ARHGAP10: variants seen among roughly 807,000 people sequenced by gnomAD.
The protein encoded by ARHGAP10 is rho GTPase-activating protein 10.
In ARHGAP10, 87 loss-of-function variants were observed where a neutral mutation model predicts 108.6. That is an observed-to-expected ratio of 0.80 (90% CI 0.67 to 0.96). The LOEUF (loss-of-function observed/expected upper bound fraction) is 0.96. Ranked by LOEUF, ARHGAP10 falls within the 40% of genes least tolerant of loss-of-function variation. ARHGAP10 has a pLI of 0.00. For missense variants in ARHGAP10, 939 were observed against 954.5 expected (o/e 0.98, Z 0.21); for synonymous variants, 347 against 341.1 (o/e 1.02, Z -0.19).
chr4:147,829,284 C>T (rs1732852193), intron 3 of ARHGAP10, among the ~76,000 whole-genome samples: 1 of 151,940 alleles, frequency 6.6e-6, no homozygotes, highest in South Asian at 2.1e-4. Flanking sequence ...GATCTCCTGA[C>T]CTTGTGATCT....
chr4:147,987,331 T>A (rs999367851), intron 18 of ARHGAP10, among the ~76,000 whole-genome samples: 6 of 152,218 alleles, frequency 3.9e-5, no homozygotes, highest in South Asian at 2.1e-4. Context: ...TTTTAAAAAA[T>A]TTTTTCTGGA....
chr4:147,807,559 A>C (rs775071408), intron 1 of ARHGAP10, among the ~76,000 whole-genome samples: 2 of 152,200 alleles, frequency 1.3e-5, no homozygotes, highest in Non-Finnish European at 2.9e-5. Context: ...TGCCTTCTTC[A>C]AAATAATGGA....
At chr4:147,910,077 G>A (rs1236588570) in intron 12 of ARHGAP10, among the ~76,000 whole-genome samples, 1 of 151,888 alleles carries the variant, frequency 6.6e-6, no homozygotes, top group African/African-American at 2.4e-5. Flanking sequence ...GCATGGTCTT[G>A]GATCCCTGCA....
chr4:147,910,265 C>T (rs1227263380), intron 12 of ARHGAP10, among the ~76,000 whole-genome samples: 2 of 151,934 alleles, frequency 1.3e-5, no homozygotes, highest in Non-Finnish European at 2.9e-5. Context: ...TCAAGTGATC[C>T]TCCTACCTCT....
chr4:147,825,530 G>T (rs1048833046), intron 3 of ARHGAP10, among the ~76,000 whole-genome samples: 8 of 152,162 alleles, frequency 5.3e-5, no homozygotes, highest in Admixed American at 4.6e-4. Flanking sequence ...GGTAATTTGT[G>T]TGTATATATT....
chr4:147,813,710 A>T (rs949076602), intron 1 of ARHGAP10, among the ~76,000 whole-genome samples: 1 of 152,228 alleles, frequency 6.6e-6, no homozygotes, highest in Admixed American at 6.5e-5. Flanking sequence ...TCTCAGACAT[A>T]GCTGTACTGT....
intron 19 of ARHGAP10, among the ~76,000 whole-genome samples, chr4:148,046,167 G>A (rs112075667): frequency 3.3e-5 from 5 of 152,254 alleles, no homozygotes; most frequent in Admixed American, 1.3e-4. Context: ...TCTCTTGTCC[G>A]TCTTCTGCAT....
rs562522205 is a variant in ARHGAP10, at chr4:147,735,397, G to A, written c.154+2942G>A. On this transcript the variant is annotated intron_variant, in intron 1 of 22. Coordinates refer to ENST00000336498, the MANE Select transcript of ARHGAP10 (RefSeq NM_024605.4). ...TTGTATGTTAGAGTGGAGGAGGTTT[G>A]TGAAAGTTTTGGAACTCACTGGTGA... is the stretch of plus-strand genomic sequence containing the variant. Among the ~76,000 whole-genome samples, 49 of 152,318 alleles carry A rather than the reference G, an allele frequency of 3.2e-4. 1 individual carries two copies. The highest frequency in any genetic ancestry group is 3.4e-3 in the Middle Eastern group (1 of 294).
chr4:148,045,905 C>T (rs915319857), intron 19 of ARHGAP10, among the ~76,000 whole-genome samples: 6 of 152,152 alleles, frequency 3.9e-5, no homozygotes, highest in African/African-American at 1.4e-4. Context: ...GGTTATGGAC[C>T]TCTATGTGTG....
chr4:147,857,720 G>A, intron 5 of ARHGAP10, 66 bp downstream of exon 5: 1 of 1,277,554 alleles, frequency 7.8e-7, no homozygotes, highest in Non-Finnish European at 1.0e-6. Context: ...TTTTAAAAAT[G>A]TGCTTTAATT....
chr4:148,055,249 G>A (rs757072428), intron 20 of ARHGAP10, among the ~76,000 whole-genome samples: 4 of 152,200 alleles, frequency 2.6e-5, no homozygotes, highest in Non-Finnish European at 5.9e-5. Flanking sequence ...GTCCTTTCTT[G>A]TTAAAGGAGG....
intron 16 of ARHGAP10, among the ~76,000 whole-genome samples, chr4:147,959,387 C>T (rs534135229): frequency 1.3e-5 from 2 of 152,124 alleles, no homozygotes; most frequent in African/African-American, 4.8e-5. Context: ...TAAAATTATA[C>T]TCTAAGTTCT....
intron 13 of ARHGAP10, among the ~76,000 whole-genome samples, chr4:147,929,192 G>C (rs1314644827): frequency 6.6e-6 from 1 of 152,122 alleles, no homozygotes; most frequent in Non-Finnish European, 1.5e-5. Flanking sequence ...TTTATCTGCT[G>C]CCTCAATGCT....
At chr4:147,824,376 T>C (rs1327111559) in intron 3 of ARHGAP10, among the ~76,000 whole-genome samples, 1 of 152,054 alleles carries the variant, frequency 6.6e-6, no homozygotes, top group Non-Finnish European at 1.5e-5. Flanking sequence ...GAGTACTATC[T>C]AGAATTACGT....
At chr4:147,926,791 C>G (rs917360596) in intron 13 of ARHGAP10, among the ~76,000 whole-genome samples, 2 of 151,926 alleles carry the variant, frequency 1.3e-5, no homozygotes, top group African/African-American at 2.4e-5. Flanking sequence ...AGGGGAGATT[C>G]CAAGAAGGAA....
intron 1 of ARHGAP10, among the ~76,000 whole-genome samples, chr4:147,807,329 AAAG>A (rs1398221862): frequency 6.6e-6 from 1 of 152,234 alleles, no homozygotes; most frequent in Non-Finnish European, 1.5e-5. Flanking sequence ...AAGCTCTAAA[AAAG>A]AAAAAATATA....
At chr4:147,738,485 GGA>G (rs1302456657) in intron 1 of ARHGAP10, among the ~76,000 whole-genome samples, 1 of 152,114 alleles carries the variant, frequency 6.6e-6, no homozygotes, top group African/African-American at 2.4e-5. Flanking sequence ...CCCAGGAGGT[GGA>G]GCTTTCAGCG....
At chr4:148,028,299 G>A (rs1560882267) in intron 19 of ARHGAP10, among the ~76,000 whole-genome samples, 1 of 152,160 alleles carries the variant, frequency 6.6e-6, no homozygotes, top group East Asian at 1.9e-4. Context: ...TGTGAATGAT[G>A]GGCGGAACTG....
chr4:148,033,704 G>A (rs1221979587), intron 19 of ARHGAP10, among the ~76,000 whole-genome samples: 1 of 152,180 alleles, frequency 6.6e-6, no homozygotes, highest in Non-Finnish European at 1.5e-5. Flanking sequence ...TTGGGTATAT[G>A]TTTAATATTT....
Sources: allele counts gnomAD v4.1 joint callset (sites outside exome capture counted in the v4.1 genomes callset), GRCh38; gene constraint gnomAD v4.1.1; transcripts MANE v1.5; gene names NCBI Gene and HGNC (gene_info 2026-07-23, HGNC 2026-07-21).